Variants in HSD11B1L observed in about 807,000 individuals in gnomAD.
HSD11B1L encodes hydroxysteroid 11-beta dehydrogenase 1 like.
HSD11B1L carries 22 observed loss-of-function variants against 27.0 expected under a neutral mutation model. That is an observed-to-expected ratio of 0.81 (90% CI 0.58 to 1.16). The LOEUF (loss-of-function observed/expected upper bound fraction) is 1.16, where lower values mean the gene tolerates loss of function less well. Among genes scored for constraint, HSD11B1L ranks in the 50% most tolerant of loss-of-function variants. HSD11B1L has a pLI of 0.00. For synonymous variants in HSD11B1L, 187 were observed against 189.2 expected (o/e 0.99, Z 0.09); for missense variants, 372 against 401.8 (o/e 0.93, Z 0.63).
chr19:5,685,447 C>T lies in HSD11B1L; in HGVS notation c.204+328C>T, dbSNP rs889335473. The T allele has an allele frequency of 8.7e-5, 36 of 415,222 alleles. No homozygotes were observed. The highest frequency in any genetic ancestry group is 6.5e-5 in the Non-Finnish European group (14 of 214,060). The allele number at this position is 415,222 out of a possible 1,614,324, so 25.7% of individuals were successfully genotyped here. A position where few individuals can be genotyped will look rare whatever the true frequency, so the allele number is the denominator to read the frequency against. On this transcript the variant is annotated intron_variant, in intron 3 of 7. Coordinates refer to ENST00000339423, the MANE Select transcript of HSD11B1L (RefSeq NM_198706.3). This position sits in a 1 kb window ranked among gnomAD's most constrained non-coding sequence, Gnocchi z 4.3. ...AAAAATTAGGCCAGGCATGGTGGCT[C>T]ATGCCTGTAATCCTAGCACTTTGGG...
In HSD11B1L at chr19:5,687,302, G is replaced by A. The variant is rs2054724378; in HGVS notation, c.429G>A (p.Val143=). 1.2e-6 allele frequency: 2 copies of A among 1,612,674 alleles called. No homozygotes were observed. The highest frequency in any genetic ancestry group is 1.3e-5 in the African/African-American group (1 of 74,910). Residue 143 remains valine, a synonymous_variant, in exon 6 of 8, where the codon GTG becomes GTA. Coordinates refer to ENST00000339423, the MANE Select transcript of HSD11B1L (RefSeq NM_198706.3). The surrounding 1 kb of genome is among the most constrained non-coding windows in gnomAD (Gnocchi z 6.6). ...WLMQVNFVSY[V]QLTSRALPSL... is the part of the protein sequence containing the mutation. ...TGCAGGTAAACTTTGTGAGCTACGTGCAACTGACGTCGCGGGCGCTGCCCA... is the reference window on the plus strand; with the variant it reads ...TGCAGGTAAACTTTGTGAGCTACGTACAACTGACGTCGCGGGCGCTGCCCA...
chr19:5,683,109 G>T (rs1340554480), intron 1 of HSD11B1L, among the ~76,000 whole-genome samples: 1 of 148,080 alleles, frequency 6.8e-6, no homozygotes, highest in Non-Finnish European at 1.5e-5. Context: ...GGCTGGTCTC[G>T]AACTCCCAGC....
rs1440462188 is a variant in HSD11B1L, at chr19:5,687,238, C to G, written c.409-44C>G. 6.3e-7 allele frequency: 1 copy of G among 1,599,480 alleles called. No individual in the cohort carries two copies. The highest frequency in any genetic ancestry group is 8.5e-7 in the Non-Finnish European group (1 of 1,171,672). On this transcript the variant is annotated intron_variant, in intron 5 of 7. Transcript: ENST00000339423. The surrounding 1 kb of genome is among the most constrained non-coding windows in gnomAD (Gnocchi z 6.6). ...TCTGGGTTTCTGGCCCCGCCCTGCCCCTGGGCTCCGCCTCTGCCGGTGACT... is the reference window on the plus strand; with the variant it reads ...TCTGGGTTTCTGGCCCCGCCCTGCCGCTGGGCTCCGCCTCTGCCGGTGACT...
chr19:5,684,856 G>C lies in HSD11B1L; in HGVS notation c.24G>C (p.Gly8=). 6.2e-7 allele frequency: 1 copy of C among 1,613,870 alleles called. No individual in the cohort carries two copies. The highest frequency in any genetic ancestry group is 8.5e-7 in the Non-Finnish European group (1 of 1,180,006). MKVLLLT[G]LGALFFAYYW... ...CCATGAAGGTGCTTCTCCTCACAGG[G>C]CTGGGGGCCCTGTTCTTCGCCTATT... Residue 8 remains glycine (G), a synonymous_variant, in exon 2 of 8, where the codon GGG becomes GGC. Transcript: ENST00000339423.
rs776558350 is a variant in HSD11B1L at position 5,684,809 on chromosome 19, C to T, written c.-14-10C>T. 85 of 1,613,442 alleles carry T rather than the reference C, an allele frequency of 5.3e-5. No homozygotes were observed. The highest frequency in any genetic ancestry group is 2.7e-5 in the Non-Finnish European group (32 of 1,179,966). ...TGTGCCGGCCACCTCTGTCCCCTGT[C>T]CCTCTGCAGGCCCACACAGGACCAT... On this transcript the variant is annotated splice_polypyrimidine_tract_variant and intron_variant, in intron 1 of 7. Transcript: ENST00000339423.
Position 5,687,881 on chromosome 19 carries a change from G to T in HSD11B1L, c.797G>T (p.Trp266Leu). 1 of 1,581,098 alleles carries T rather than the reference G, an allele frequency of 6.3e-7. No homozygotes were observed. Among genetic ancestry groups the T allele is most frequent in the East Asian group, 2.3e-5 (1 of 42,772 alleles). Residue 266 changes from tryptophan (W) to leucine (L), a missense_variant, in exon 8 of 8, where the codon TGG becomes TTG. Transcript: ENST00000339423. The surrounding 1 kb of genome is among the most constrained non-coding windows in gnomAD (Gnocchi z 6.6). Reference protein sequence around the residue: ...RFRLLCLLRRWLPRPRAWFIR... With the variant: ...RFRLLCLLRRLLPRPRAWFIR... Reference sequence around the variant, plus strand: ...CGCCTGCTGTGCTTGCTCCGGCGCTGGCTACCGCGCCCGCGGGCCTGGTTT... The same window carrying T: ...CGCCTGCTGTGCTTGCTCCGGCGCTTGCTACCGCGCCCGCGGGCCTGGTTT...
Position 5,687,978 on chromosome 19 carries a change from C to T in HSD11B1L, c.*33C>T. 1.3e-6 allele frequency: 2 copies of T among 1,552,964 alleles called. No homozygotes were observed. Among genetic ancestry groups the T allele is most frequent in the Non-Finnish European group, 8.7e-7 (1 of 1,147,712 alleles). ...GGGGTGCCCCTCCAGTCCCAGACGG[C>T]AATGTTCCTCCCTCCAACTGTCCCT... is the stretch of plus-strand genomic sequence containing the variant. On this transcript the variant is annotated 3_prime_UTR_variant, in exon 8 of 8. Transcript: ENST00000339423. The surrounding 1 kb of genome is among the most constrained non-coding windows in gnomAD (Gnocchi z 6.6).
rs772298551 is a variant in HSD11B1L at position 5,684,886 on chromosome 19, G to A, written c.54G>A (p.Trp18Ter). 3.7e-6 allele frequency: 6 copies of A among 1,613,886 alleles called. No individual in the cohort carries two copies. The highest frequency in any genetic ancestry group is 5.1e-6 in the Non-Finnish European group (6 of 1,179,996). Residue 18 changes from tryptophan (W) to a stop codon, truncating the protein, a stop_gained, in exon 2 of 8, where the codon TGG becomes TGA. Coordinates refer to ENST00000339423, the MANE Select transcript of HSD11B1L (RefSeq NM_198706.3). LOFTEE classifies it high-confidence loss of function. ...GLGALFFAYY[W>*]DDNFDPASLQ... ...GGGCCCTGTTCTTCGCCTATTATTG[G>A]GATGACAACTTCGACCCAGGTGAGC...
At chr19:5,681,554 C>G (rs2054546892) in intron 1 of HSD11B1L, among the ~76,000 whole-genome samples, 1 of 151,980 alleles carries the variant, frequency 6.6e-6, no homozygotes, top group African/African-American at 2.4e-5. Context: ...TCTGCTCCCC[C>G]CATCCTTCCA....
intron 4 of HSD11B1L, among the ~76,000 whole-genome samples, 157 bp downstream of exon 4, chr19:5,686,684 C>G (rs2054701201): frequency 6.6e-6 from 1 of 152,094 alleles, no homozygotes; most frequent in African/African-American, 2.4e-5. Context: ...CTCATTGCGT[C>G]TGGGGGAAGA....
In HSD11B1L at chr19:5,685,125, C is replaced by T; in HGVS notation, c.204+6C>T. On this transcript the variant is annotated splice_donor_region_variant and intron_variant, in intron 3 of 7. Coordinates refer to ENST00000339423, the MANE Select transcript of HSD11B1L (RefSeq NM_198706.3). This position sits in a 1 kb window ranked among gnomAD's most constrained non-coding sequence, Gnocchi z 4.3. The stretch of plus-strand genomic sequence containing the variant: ...CTGAGGCTCTCCTGCAGAAGGTGAG[C>T]CACCCCATGTCTAGATGAATGGTGG... The T allele has an allele frequency of 6.5e-7, 1 of 1,545,420 alleles. No individual in the cohort carries two copies.
rs754913123 is a variant in HSD11B1L, at chr19:5,687,235, G to T, written c.409-47G>T. ...CCCTCTGGGTTTCTGGCCCCGCCCT[G>T]CCCCTGGGCTCCGCCTCTGCCGGTG... is the stretch of plus-strand genomic sequence containing the variant. On this transcript the variant is annotated intron_variant, in intron 5 of 7. Transcript: ENST00000339423. This position sits in a 1 kb window ranked among gnomAD's most constrained non-coding sequence, Gnocchi z 6.6. 2.3e-5 allele frequency: 36 copies of T among 1,594,216 alleles called. 1 individual carries two copies. In the South Asian group the frequency reaches 3.4e-4, roughly 15 times the overall value.
chr19:5,684,494 A>G, intron 1 of HSD11B1L: 1 of 491,360 alleles, frequency 2.0e-6, no homozygotes. Context: ...GGAGTGAGCA[A>G]GGAGGACAGG....
Position 5,686,972 on chromosome 19 carries a change from C to T in HSD11B1L, c.389C>T (p.Ala130Val). The T allele has an allele frequency of 6.5e-7, 1 of 1,549,846 alleles. No individual in the cohort carries two copies. Among genetic ancestry groups the T allele is most frequent in the Non-Finnish European group, 8.7e-7 (1 of 1,148,058 alleles). The change falls in exon 5 of 8, where the codon GCA becomes GTA. Residue 130 changes from alanine to valine, a missense_variant. Physicochemically the swap from Ala to Val is moderately conservative, Grantham distance 64. Transcript: ENST00000339423. Reference sequence around the variant, plus strand: ...GGCACGCGAGCCCGCAGCCCCCAGGCAACTCGCTGGCTCATGCAGGTGCTC... The same window carrying T: ...GGCACGCGAGCCCGCAGCCCCCAGGTAACTCGCTGGCTCATGCAGGTGCTC... ...PAGTRARSPQ[A>V]TRWLMQVNFV...
At chr19:5,682,810 C>CTTTT (rs5826895) in intron 1 of HSD11B1L, among the ~76,000 whole-genome samples, 12 of 95,398 alleles carry the variant, frequency 1.3e-4, no homozygotes, top group Admixed American at 4.6e-4. Context: ...GTCCCATTGA[C>CTTTT]TTTTTTTTTT....
chr19:5,684,399 G>C (rs927548058), intron 1 of HSD11B1L: 1 of 351,124 alleles, frequency 2.8e-6, no homozygotes, highest in African/African-American at 2.1e-5. Context: ...ATTCTAGGCA[G>C]TAGGAACAGC....
rs554997634 is a variant in HSD11B1L at position 5,688,367 on chromosome 19, C to T, written c.*422C>T. On this transcript the variant is annotated 3_prime_UTR_variant, in exon 8 of 8. Coordinates refer to ENST00000339423, the MANE Select transcript of HSD11B1L (RefSeq NM_198706.3). ...AACCCCCCCAACTCCTGCCAGCTTC[C>T]CCTAGCTGGGGTCTCTGGTACTCTT... 6.2e-6 allele frequency: 4 copies of T among 642,360 alleles called. No individual in the cohort carries two copies. The highest frequency in any genetic ancestry group is 8.0e-6 in the Non-Finnish European group (3 of 375,818). 39.8% of individuals were successfully genotyped at this position (642,360 alleles called of 1,614,324 possible).
At chr19:5,683,144 C>T (rs2054600512) in intron 1 of HSD11B1L, among the ~76,000 whole-genome samples, 1 of 150,064 alleles carries the variant, frequency 6.7e-6, no homozygotes, top group Non-Finnish European at 1.5e-5. Flanking sequence ...CCACCTCGGC[C>T]TCCCAAAATG....
At position 5,688,096 on chromosome 19, in the gene HSD11B1L, C is replaced by T. The variant is rs890129579; in HGVS notation, c.*151C>T. On this transcript the variant is annotated 3_prime_UTR_variant, in exon 8 of 8. Transcript: ENST00000339423. ...AGAAAAGCAAAACCGAGAAAAACGA[C>T]GGGCACCTGGAACCAGTCACGGCTT... 138 of 1,551,396 alleles carry T rather than the reference C, an allele frequency of 8.9e-5. No homozygotes were observed. The highest frequency in any genetic ancestry group is 3.3e-4 in the Middle Eastern group (2 of 6,014).
Sources: allele counts gnomAD v4.1 joint callset (sites outside exome capture counted in the v4.1 genomes callset), GRCh38; gene constraint gnomAD v4.1.1; non-coding constraint Gnocchi (gnomAD v3.1); transcripts MANE v1.5; gene names NCBI Gene and HGNC (gene_info 2026-07-23, HGNC 2026-07-21).